Variants in SLC39A11 observed in about 807,000 individuals in gnomAD.
SLC39A11 encodes the protein zinc transporter ZIP11.
A neutral mutation model predicts 36.1 loss-of-function variants in SLC39A11; 33 were observed. That is an observed-to-expected ratio of 0.91 (90% confidence interval 0.69 to 1.22). SLC39A11 has a LOEUF of 1.22. Ranked by LOEUF, SLC39A11 falls within the 50% of genes most tolerant of loss-of-function variation. The pLI is 0.00. For missense variants in SLC39A11, 432 were observed against 430.3 expected, an observed-to-expected ratio of 1.00 and a Z score of -0.03; for synonymous variants, 166 against 170.3, an observed-to-expected ratio of 0.97 and a Z score of 0.20.
At chr17:73,011,978 A>G (rs2090548901) in intron 4 of SLC39A11, among the ~76,000 whole-genome samples, 1 of 150,226 alleles carries the variant, frequency 6.7e-6, no homozygotes, top group Non-Finnish European at 1.5e-5. Flanking sequence ...GTACATTTTT[A>G]AATGACTGAA....
At chr17:73,078,694 G>A (rs771468123) in intron 3 of SLC39A11, among the ~76,000 whole-genome samples, 6 of 151,554 alleles carry the variant, frequency 4.0e-5, no homozygotes, top group Non-Finnish European at 7.4e-5. Flanking sequence ...ACGGGGTTTC[G>A]CCATGTTGGC....
At chr17:72,883,549 G>C (rs1240668788) in intron 5 of SLC39A11, among the ~76,000 whole-genome samples, 2 of 151,750 alleles carry the variant, frequency 1.3e-5, no homozygotes, top group Non-Finnish European at 2.9e-5. Context: ...AATCTGGGAA[G>C]GCAGGTTCTA....
Position 72,947,789 on chromosome 17 carries a change from C to G in SLC39A11, c.393G>C (p.Ala131=). ...MKKKSDPEGP[A]LLFPESELSI... The stretch of plus-strand genomic sequence containing the variant: ...AAAGTTCACTCTCAGGGAAGAGCAG[C>G]GCGGGACCCTCAGGATCAGACTTCT... The change falls in exon 5 of 10, where the codon GCG becomes GCC. Residue 131 remains alanine (A), a synonymous_variant. Transcript: ENST00000255559. 1.2e-6 allele frequency: 2 copies of G among 1,614,124 alleles called. No individual in the cohort carries two copies. The highest frequency in any genetic ancestry group is 1.7e-6 in the Non-Finnish European group (2 of 1,180,032).
At chr17:72,661,678 C>T (rs1227434994) in intron 7 of SLC39A11, among the ~76,000 whole-genome samples, 3 of 152,146 alleles carry the variant, frequency 2.0e-5, no homozygotes, top group East Asian at 1.9e-4. Context: ...GGGTACTCCC[C>T]GCAGGGCTGC....
chr17:72,976,870 A>G (rs1296659453), intron 4 of SLC39A11, among the ~76,000 whole-genome samples: 1 of 152,196 alleles, frequency 6.6e-6, no homozygotes. Context: ...GAAAAAAGAA[A>G]AAAAGAAATG....
At chr17:72,695,750 A>C (rs2072265350) in intron 7 of SLC39A11, among the ~76,000 whole-genome samples, 1 of 152,104 alleles carries the variant, frequency 6.6e-6, no homozygotes, top group Non-Finnish European at 1.5e-5. Flanking sequence ...CACAGAGGAG[A>C]GGAGGAGGAA....
chr17:73,058,973 A>T (rs961227486), intron 3 of SLC39A11, among the ~76,000 whole-genome samples: 1 of 152,216 alleles, frequency 6.6e-6, no homozygotes, highest in Non-Finnish European at 1.5e-5. Context: ...AAAAAAGAAT[A>T]AATTAGGTGA....
At position 72,823,030 on chromosome 17, in the gene SLC39A11, C is replaced by A. The variant is rs78711892; in HGVS notation, c.601+26604G>T. Among the ~76,000 whole-genome samples, 1,342 of 151,396 alleles carry A rather than the reference C, an allele frequency of 8.9e-3. 27 individuals are homozygous for A. Among genetic ancestry groups the A allele is most frequent in the African/African-American group, 0.029 (1,222 of 41,440 alleles). ...GGATTATAGGCATGAGCCACTGTGC[C>A]TGGTCCTAAACTTTCAAATGCCTGA... On this transcript the variant is annotated intron_variant, in intron 6 of 9. Coordinates refer to ENST00000255559, the MANE Select transcript of SLC39A11 (RefSeq NM_139177.4).
At chr17:72,721,237 C>T (rs987963880) in intron 7 of SLC39A11, among the ~76,000 whole-genome samples, 1 of 152,120 alleles carries the variant, frequency 6.6e-6, no homozygotes, top group Non-Finnish European at 1.5e-5. Flanking sequence ...GGTGGGATTA[C>T]AGATGCATGC....
intron 6 of SLC39A11, among the ~76,000 whole-genome samples, chr17:72,769,828 G>C (rs1003375395): frequency 3.9e-5 from 6 of 152,096 alleles, no homozygotes; most frequent in Non-Finnish European, 8.8e-5. Context: ...CACCGAGCCT[G>C]GCCATTAGAG....
At chr17:72,731,686 A>G (rs971694748) in intron 7 of SLC39A11, among the ~76,000 whole-genome samples, 1 of 151,886 alleles carries the variant, frequency 6.6e-6, no homozygotes, top group Non-Finnish European at 1.5e-5. Context: ...TGTTACAACT[A>G]AGGAACCCAT....
intron 4 of SLC39A11, among the ~76,000 whole-genome samples, chr17:72,957,508 A>C (rs1162225584): frequency 6.6e-6 from 1 of 152,212 alleles, no homozygotes; most frequent in African/African-American, 2.4e-5. Context: ...TAGAGGTCTG[A>C]AAGTTTTACA....
At chr17:73,090,134 C>T (rs2060877307) in intron 1 of SLC39A11, among the ~76,000 whole-genome samples, 1 of 152,178 alleles carries the variant, frequency 6.6e-6, no homozygotes, top group African/African-American at 2.4e-5. Context: ...CCTGAGCCTG[C>T]AGATCAAGAG....
intron 5 of SLC39A11, among the ~76,000 whole-genome samples, chr17:72,904,167 A>G (rs2082534286): frequency 6.6e-6 from 1 of 152,174 alleles, no homozygotes; most frequent in Non-Finnish European, 1.5e-5. Flanking sequence ...GCGCGGTGGC[A>G]CACACGTGCA....
intron 7 of SLC39A11, among the ~76,000 whole-genome samples, chr17:72,715,814 G>A (rs1048372013): frequency 3.3e-5 from 5 of 151,922 alleles, no homozygotes; most frequent in African/African-American, 7.3e-5. Context: ...AGCGATTCTC[G>A]TGCCTCAGCC....
At chr17:72,684,550 A>T (rs1198969363) in intron 7 of SLC39A11, among the ~76,000 whole-genome samples, 2 of 152,172 alleles carry the variant, frequency 1.3e-5, no homozygotes, top group Non-Finnish European at 2.9e-5. Context: ...AAGCAACTGT[A>T]AACCTTGGGA....
At chr17:72,930,680 C>A (rs908541182) in intron 5 of SLC39A11, among the ~76,000 whole-genome samples, 1 of 152,152 alleles carries the variant, frequency 6.6e-6, no homozygotes, top group African/African-American at 2.4e-5. Flanking sequence ...AGAAGGGTGG[C>A]CTCAAGGAGA....
chr17:73,052,784 T>TCC (rs1352148188), intron 3 of SLC39A11, among the ~76,000 whole-genome samples: 4 of 152,068 alleles, frequency 2.6e-5, no homozygotes, highest in Non-Finnish European at 5.9e-5. Context: ...CACTGCAACC[T>TCC]CCACCTCCCG....
chr17:72,686,831 G>A (rs2071775096), intron 7 of SLC39A11, among the ~76,000 whole-genome samples: 2 of 152,282 alleles, frequency 1.3e-5, no homozygotes, highest in South Asian at 4.2e-4. Flanking sequence ...GGCGTAATGG[G>A]ACCACCACAG....
Sources: allele counts gnomAD v4.1 joint callset (sites outside exome capture counted in the v4.1 genomes callset), GRCh38; gene constraint gnomAD v4.1.1; transcripts MANE v1.5; gene names NCBI Gene and HGNC (gene_info 2026-07-23, HGNC 2026-07-21).